ZBTB7C: variants seen among roughly 807,000 people sequenced by gnomAD.
The protein encoded by ZBTB7C is zinc finger and BTB domain-containing protein 7C.
In ZBTB7C, 8 loss-of-function variants were observed where a neutral mutation model predicts 25.7. The ratio of observed to expected loss-of-function variants is 0.31; its 90% CI spans 0.18 to 0.56. ZBTB7C has a LOEUF of 0.56. Ranked by LOEUF, ZBTB7C falls within the 20% of genes least tolerant of loss-of-function variation. The probability of loss-of-function intolerance (pLI) is 0.91; values close to 1 mark genes in which losing one functional copy is unlikely to be tolerated. For missense variants in ZBTB7C, 824 were observed against 855.2 expected, an observed-to-expected ratio of 0.96 and a Z score of 0.46; for synonymous variants, 394 against 369.0, an observed-to-expected ratio of 1.07 and a Z score of -0.78.
In ZBTB7C at chr18:48,134,945, A is replaced by G. The variant is rs370378351; in HGVS notation, c.-17+50989T>C. Among the ~76,000 whole-genome samples, 546 of 152,320 alleles carry G rather than the reference A, an allele frequency of 3.6e-3. 3 individuals carry two copies. Among genetic ancestry groups the G allele is most frequent in the African/African-American group, 0.012 (510 of 41,574 alleles). On this transcript the variant is annotated intron_variant, in intron 3 of 4. Coordinates refer to ENST00000590800, the MANE Select transcript of ZBTB7C (RefSeq NM_001318841.2). Reference sequence around the variant, plus strand: ...TCCACTGCATCCCCTTGAACCAGGGACAAGTCCTGGTGACTGCAGCATGGA... The same window carrying G: ...TCCACTGCATCCCCTTGAACCAGGGGCAAGTCCTGGTGACTGCAGCATGGA...
chr18:48,333,342 G>A (rs1259421740), intron 2 of ZBTB7C, among the ~76,000 whole-genome samples: 3 of 152,132 alleles, frequency 2.0e-5, no homozygotes, highest in Admixed American at 2.0e-4. Flanking sequence ...TGCCAGACTC[G>A]GTGAGGAAAG....
chr18:48,184,855 C>T (rs1054471586), intron 3 of ZBTB7C, among the ~76,000 whole-genome samples: 1 of 151,952 alleles, frequency 6.6e-6, no homozygotes, highest in Non-Finnish European at 1.5e-5. Flanking sequence ...CTTTCTCATT[C>T]CCTCTCTCTC....
intron 2 of ZBTB7C, among the ~76,000 whole-genome samples, chr18:48,275,860 A>G (rs2044632493): frequency 6.6e-6 from 1 of 152,246 alleles, no homozygotes. Context: ...TCTGCTAAGC[A>G]GCATTACAGT....
At chr18:48,353,382 T>C (rs2046906133) in intron 1 of ZBTB7C, among the ~76,000 whole-genome samples, 1 of 152,240 alleles carries the variant, frequency 6.6e-6, no homozygotes, top group Non-Finnish European at 1.5e-5. Flanking sequence ...TCAGTCTTTC[T>C]ATGGATTTGT....
At chr18:48,308,608 GT>G (rs959223978) in intron 2 of ZBTB7C, among the ~76,000 whole-genome samples, 4 of 152,222 alleles carry the variant, frequency 2.6e-5, no homozygotes, top group African/African-American at 9.6e-5. Context: ...ATAGTCAGAT[GT>G]TTAAGATGTC....
chr18:48,258,627 T>C (rs985666120), intron 2 of ZBTB7C, among the ~76,000 whole-genome samples: 10 of 152,190 alleles, frequency 6.6e-5, no homozygotes, highest in Non-Finnish European at 1.5e-4. Context: ...AATTGATCTG[T>C]AGATTCAATG....
At chr18:48,262,530 T>C (rs922076865) in intron 2 of ZBTB7C, among the ~76,000 whole-genome samples, 2 of 152,066 alleles carry the variant, frequency 1.3e-5, no homozygotes, top group African/African-American at 4.8e-5. Flanking sequence ...CTCATATAGA[T>C]GATGTGGAAA....
chr18:48,122,508 C>T (rs1207847808), intron 3 of ZBTB7C, among the ~76,000 whole-genome samples: 1 of 152,170 alleles, frequency 6.6e-6, no homozygotes, highest in East Asian at 1.9e-4. Flanking sequence ...AAGCAAGAGG[C>T]ACCATTAAAT....
intron 3 of ZBTB7C, among the ~76,000 whole-genome samples, chr18:48,166,166 C>T (rs2041237360): frequency 6.7e-6 from 1 of 149,340 alleles, no homozygotes; most frequent in Admixed American, 6.8e-5. Context: ...GTTGTACAAC[C>T]ATCACCACTA....
intron 3 of ZBTB7C, among the ~76,000 whole-genome samples, chr18:48,179,412 G>A (rs1394254562): frequency 6.6e-6 from 1 of 152,190 alleles, no homozygotes; most frequent in South Asian, 2.1e-4. Context: ...TATGCTGGAT[G>A]TGGGGAATGT....
intron 2 of ZBTB7C, among the ~76,000 whole-genome samples, chr18:48,253,805 T>C (rs1223264331): frequency 6.6e-6 from 1 of 152,138 alleles, no homozygotes; most frequent in Non-Finnish European, 1.5e-5. Context: ...TAACAAGAAT[T>C]CTGGATAGAA....
chr18:48,217,674 C>T (rs780716134), intron 2 of ZBTB7C, among the ~76,000 whole-genome samples: 2 of 151,750 alleles, frequency 1.3e-5, no homozygotes, highest in Non-Finnish European at 2.9e-5. Context: ...CCACACTCCC[C>T]GTGTAATCCC....
intron 3 of ZBTB7C, among the ~76,000 whole-genome samples, chr18:48,043,922 G>T (rs972909468): frequency 6.6e-6 from 1 of 152,110 alleles, no homozygotes; most frequent in Non-Finnish European, 1.5e-5. Flanking sequence ...AGGAGAGGAG[G>T]GGGGCGCTTT....
At position 48,109,997 on chromosome 18, in the gene ZBTB7C, G is replaced by A. The variant is rs182779051; in HGVS notation, c.-16-68874C>T. 1.1e-3 allele frequency among the ~76,000 whole-genome samples: 170 copies of A among 152,228 alleles called. 3 individuals carry two copies. The highest frequency in any genetic ancestry group is 0.011 in the Admixed American group (167 of 15,296). On this transcript the variant is annotated intron_variant, in intron 3 of 4. Transcript: ENST00000590800. ...GTCTGAGACTGAGGCATAGAGAGGT[G>A]GAGTGACTTAACCACAGGCCCATAG...
intron 2 of ZBTB7C, among the ~76,000 whole-genome samples, chr18:48,310,532 A>C (rs1388737077): frequency 6.6e-6 from 1 of 152,072 alleles, no homozygotes; most frequent in Non-Finnish European, 1.5e-5. Flanking sequence ...AGTGAGAGAA[A>C]GACTTTTTTC....
chr18:48,267,468 C>G (rs1241516925), intron 2 of ZBTB7C, among the ~76,000 whole-genome samples: 3 of 152,190 alleles, frequency 2.0e-5, no homozygotes, highest in Non-Finnish European at 2.9e-5. Flanking sequence ...ACGACTGGGT[C>G]TTCATTGTTA....
At chr18:48,158,148 T>G (rs2040893424) in intron 3 of ZBTB7C, among the ~76,000 whole-genome samples, 1 of 152,212 alleles carries the variant, frequency 6.6e-6, no homozygotes, top group Non-Finnish European at 1.5e-5. Flanking sequence ...ATGCCCAGGT[T>G]ACCACCAGGG....
At chr18:48,305,936 T>C (rs1429849312) in intron 2 of ZBTB7C, among the ~76,000 whole-genome samples, 1 of 152,180 alleles carries the variant, frequency 6.6e-6, no homozygotes, top group Admixed American at 6.5e-5. Context: ...CCGAGCTCAC[T>C]GAAGTTTTTG....
intron 3 of ZBTB7C, among the ~76,000 whole-genome samples, chr18:48,117,948 T>G (rs563110824): frequency 3.0e-4 from 45 of 152,250 alleles, no homozygotes; most frequent in Non-Finnish European, 3.4e-4. Flanking sequence ...CTTGGAGCTT[T>G]TAACTTCAGT....
Sources: gnomAD v4.1 joint callset for allele counts (sites outside exome capture counted in the v4.1 genomes callset) on GRCh38, gnomAD v4.1.1 for gene constraint, MANE v1.5 for transcripts, NCBI Gene and HGNC (gene_info 2026-07-23, HGNC 2026-07-21) for gene names.